The following ETFA variants were observed in gnomAD, a reference collection of about 807,000 sequenced individuals.
ETFA encodes electron transfer flavoprotein subunit alpha, also known as electron transfer flavoprotein subunit alpha, mitochondrial.
In ETFA, 22 loss-of-function variants were observed where a neutral mutation model predicts 46.2. The ratio of observed to expected loss-of-function variants is 0.48; its 90% CI spans 0.34 to 0.68. ETFA has a LOEUF of 0.68. ETFA is among the 30% of genes least tolerant of loss of function. The probability of loss-of-function intolerance (pLI) is 0.01; values close to 1 mark genes in which losing one functional copy is unlikely to be tolerated. For missense variants in ETFA, 345 were observed against 401.1 expected, an observed-to-expected ratio of 0.86 and a Z score of 1.19; for synonymous variants, 131 against 139.9, an observed-to-expected ratio of 0.94 and a Z score of 0.45.
intron 11 of ETFA, among the ~76,000 whole-genome samples, chr15:76,217,850 A>C (rs941684498): frequency 1.3e-5 from 2 of 152,246 alleles, no homozygotes; most frequent in Non-Finnish European, 2.9e-5. Context: ...CATTTCCATT[A>C]GGTGGAAATA....
At chr15:76,245,695 C>T (rs1229353170) in intron 9 of ETFA, among the ~76,000 whole-genome samples, 1 of 152,162 alleles carries the variant, frequency 6.6e-6, no homozygotes, top group Non-Finnish European at 1.5e-5. Context: ...ATAATCTACT[C>T]CCACTAAGAA....
intron 9 of ETFA, among the ~76,000 whole-genome samples, chr15:76,244,886 C>T (rs1394657575): frequency 2.0e-5 from 3 of 151,996 alleles, no homozygotes; most frequent in Non-Finnish European, 4.4e-5. Context: ...AAAAGGAATT[C>T]AACACTCTCT....
At chr15:76,256,242 G>C (rs2039344560) in intron 9 of ETFA, among the ~76,000 whole-genome samples, 1 of 134,062 alleles carries the variant, frequency 7.5e-6, no homozygotes, top group African/African-American at 2.8e-5. Flanking sequence ...TGGGCAATAA[G>C]AGTGAGACTC....
chr15:76,259,824 T>C (rs2039385976), intron 9 of ETFA: 12 of 1,570,670 alleles, frequency 7.6e-6, no homozygotes, highest in Non-Finnish European at 9.6e-6. Context: ...CGGATCAGGG[T>C]AAAGGGGTTC....
intron 8 of ETFA, among the ~76,000 whole-genome samples, chr15:76,280,129 A>G (rs1273968155): frequency 6.6e-6 from 1 of 152,012 alleles, no homozygotes; most frequent in Non-Finnish European, 1.5e-5. Flanking sequence ...GGCTTTCAAT[A>G]TCATCCAAAT....
At position 76,273,553 on chromosome 15, in the gene ETFA, C is replaced by CAAACAAAACAAAACA. The variant is rs144721416; in HGVS notation, c.816+844_816+858dup. On this transcript the variant is annotated intron_variant, in intron 9 of 11. Transcript: ENST00000557943. Reference sequence around the variant, plus strand: ...CTGGGTGACAGAGCAAGACTCATCTCAAACAAAACAAAACAAAACAAAACA... The same window carrying CAAACAAAACAAAACA: ...CTGGGTGACAGAGCAAGACTCATCTCAAACAAAACAAAACAAAACAAAACAAAACAAAACAAAACA... Among the ~76,000 whole-genome samples, 530 of 149,994 alleles carry CAAACAAAACAAAACA rather than the reference C, an allele frequency of 3.5e-3. 2 individuals are homozygous for CAAACAAAACAAAACA. Among genetic ancestry groups the CAAACAAAACAAAACA allele is most frequent in the South Asian group, 5.8e-3 (27 of 4,652 alleles).
At chr15:76,227,530 G>GAAAAAAA (rs1567196426) in intron 10 of ETFA, among the ~76,000 whole-genome samples, 32 of 44,992 alleles carry the variant, frequency 7.1e-4, no homozygotes, top group East Asian at 1.6e-3. Flanking sequence ...AAAAAAAAAG[G>GAAAAAAA]AAAAGCTATC....
chr15:76,238,736 G>A (rs1387180246), intron 9 of ETFA, among the ~76,000 whole-genome samples: 2 of 152,118 alleles, frequency 1.3e-5, no homozygotes, highest in Admixed American at 1.3e-4. Context: ...CATTAATATT[G>A]CTATATTTCA....
chr15:76,217,392 C>T (rs1193966096), intron 11 of ETFA, among the ~76,000 whole-genome samples: 1 of 152,162 alleles, frequency 6.6e-6, no homozygotes, highest in Admixed American at 6.5e-5. Context: ...ATATTGGTTG[C>T]TTTTTCAGCA....
intron 11 of ETFA, among the ~76,000 whole-genome samples, chr15:76,222,221 A>AT (rs1467244012): frequency 1.3e-5 from 2 of 148,800 alleles, no homozygotes; most frequent in African/African-American, 4.9e-5. Flanking sequence ...TTTTAAAATT[A>AT]TAATTTTAAA....
chr15:76,249,300 G>A (rs1449769763), intron 9 of ETFA, among the ~76,000 whole-genome samples: 1 of 151,668 alleles, frequency 6.6e-6, no homozygotes, highest in Non-Finnish European at 1.5e-5. Context: ...GGCTAATTTT[G>A]TATTTTTAGT....
Position 76,215,707 on chromosome 15 carries a change from G to A in ETFA, c.*852C>T, listed in dbSNP as rs930672797. The A allele has an allele frequency of 2.6e-5, 4 of 152,154 alleles. No homozygotes were observed. The highest frequency in any genetic ancestry group is 4.4e-5 in the Non-Finnish European group (3 of 68,070). 9.4% of individuals were successfully genotyped at this position (152,154 alleles called of 1,614,324 possible). On this transcript the variant is annotated 3_prime_UTR_variant, in exon 12 of 12. Transcript: ENST00000557943. Reference sequence around the variant, plus strand: ...GTGCCCTGGGCAGCAGAATGAGAGTGCCAGAGGTGACTACACAGGCCTGGG... The same window carrying A: ...GTGCCCTGGGCAGCAGAATGAGAGTACCAGAGGTGACTACACAGGCCTGGG...
chr15:76,279,800 A>C (rs2039630401), intron 8 of ETFA, among the ~76,000 whole-genome samples: 1 of 151,870 alleles, frequency 6.6e-6, no homozygotes, highest in African/African-American at 2.4e-5. Flanking sequence ...CTGGTTATCT[A>C]GCCTAACTTA....
intron 11 of ETFA, among the ~76,000 whole-genome samples, chr15:76,217,001 G>A (rs149953723): frequency 6.6e-6 from 1 of 151,888 alleles, no homozygotes; most frequent in Non-Finnish European, 1.5e-5. Flanking sequence ...AATTCTTGTA[G>A]AGATGGGGTA....
chr15:76,261,083 T>C, intron 9 of ETFA: 3 of 1,526,606 alleles, frequency 2.0e-6, no homozygotes, highest in Non-Finnish European at 1.8e-6. Flanking sequence ...CCAGGCATTT[T>C]AGGCTGTGAA....
chr15:76,287,243 A>G (rs1429495063), intron 5 of ETFA, among the ~76,000 whole-genome samples: 1 of 152,168 alleles, frequency 6.6e-6, no homozygotes, highest in Admixed American at 6.5e-5. Context: ...AACTCACCAT[A>G]GCCTCGACCT....
At chr15:76,260,115 T>C (rs887511850) in intron 9 of ETFA, 6 of 1,485,020 alleles carry the variant, frequency 4.0e-6, no homozygotes, top group African/African-American at 1.4e-5. Context: ...CCTACCGCAC[T>C]GAACCAAACT....
At chr15:76,283,727 A>G (rs370311868) in intron 8 of ETFA, 30 bp downstream of exon 8, 70 of 1,361,296 alleles carry the variant, frequency 5.1e-5, no homozygotes, top group Non-Finnish European at 6.7e-5. Flanking sequence ...CAAAAAGGGA[A>G]TATCTTTCTA....
chr15:76,306,573 GCTT>G (rs1249476896), intron 1 of ETFA, among the ~76,000 whole-genome samples: 3 of 151,374 alleles, frequency 2.0e-5, no homozygotes, highest in Non-Finnish European at 2.9e-5. Flanking sequence ...CGGTTTTTTT[GCTT>G]CTTAATTAAA....
Sources: allele counts gnomAD v4.1 joint callset (sites outside exome capture counted in the v4.1 genomes callset), GRCh38; gene constraint gnomAD v4.1.1; transcripts MANE v1.5; gene names NCBI Gene and HGNC (gene_info 2026-07-23, HGNC 2026-07-21).